The following PIK3C2A variants were observed in gnomAD, a reference collection of about 807,000 sequenced individuals.
PIK3C2A encodes phosphatidylinositol-4-phosphate 3-kinase catalytic subunit type 2 alpha, also known as phosphatidylinositol 4-phosphate 3-kinase C2 domain-containing subunit alpha.
In PIK3C2A, 97 loss-of-function variants were observed where a neutral mutation model predicts 204.5. The ratio of observed to expected loss-of-function variants is 0.47; its 90% CI spans 0.40 to 0.56. The LOEUF (loss-of-function observed/expected upper bound fraction) is 0.56. PIK3C2A is among the 20% of genes least tolerant of loss of function. The pLI is 0.00. For synonymous variants in PIK3C2A, 653 were observed against 664.4 expected, an observed-to-expected ratio of 0.98 and a Z score of 0.26; for missense variants, 1,735 against 1,969.2, an observed-to-expected ratio of 0.88 and a Z score of 2.25.
At chr11:17,161,904 G>C (rs2137465423) in intron 2 of PIK3C2A, among the ~76,000 whole-genome samples, 1 of 152,314 alleles carries the variant, frequency 6.6e-6, no homozygotes, top group South Asian at 2.1e-4. Flanking sequence ...TTGTGCCATG[G>C]ATTTCCAAAG....
chr11:17,178,954 C>G (rs1851437821), intron 1 of PIK3C2A, among the ~76,000 whole-genome samples: 1 of 151,524 alleles, frequency 6.6e-6, no homozygotes, highest in Admixed American at 6.6e-5. Flanking sequence ...TGGTCTCCAT[C>G]TCCTGACCTC....
In PIK3C2A at chr11:17,102,219, T is replaced by A. The variant is rs572434339; in HGVS notation, c.3851+443A>T. On this transcript the variant is annotated intron_variant, in intron 24 of 32. Transcript: ENST00000691414. ...TGGGAGGCCGAGGCGGGTAGATCAC[T>A]TGGTCAGGAGATCGAGACCATCCTG... Among the ~76,000 whole-genome samples, 14 of 152,126 alleles carry A rather than the reference T, an allele frequency of 9.2e-5. No homozygotes were observed. In the South Asian group the frequency reaches 2.5e-3, roughly 27 times the overall value.
intron 1 of PIK3C2A, among the ~76,000 whole-genome samples, chr11:17,198,993 C>T (rs1289396103): frequency 6.6e-6 from 1 of 151,978 alleles, no homozygotes; most frequent in East Asian, 1.9e-4. Flanking sequence ...CTGACAGGCA[C>T]CTGTAATCCC....
At chr11:17,206,630 T>TA (rs1852586294) in intron 1 of PIK3C2A, among the ~76,000 whole-genome samples, 2 of 150,502 alleles carry the variant, frequency 1.3e-5, no homozygotes, top group African/African-American at 4.9e-5. Flanking sequence ...ATGGCAGAGC[T>TA]GCTAAAGGAG....
At chr11:17,133,490 T>A (rs1209263684) in intron 11 of PIK3C2A, among the ~76,000 whole-genome samples, 2 of 152,230 alleles carry the variant, frequency 1.3e-5, no homozygotes, top group Non-Finnish European at 1.5e-5. Context: ...CACTAAATTA[T>A]TATATTTTAA....
At chr11:17,107,618 T>A (rs1848866844) in intron 22 of PIK3C2A, among the ~76,000 whole-genome samples, 1 of 152,224 alleles carries the variant, frequency 6.6e-6, no homozygotes. Context: ...TTCTACTATA[T>A]GCTATCTGGA....
Position 17,122,175 on chromosome 11 carries a change from A to C in PIK3C2A, c.2657+13T>G. 1 of 1,561,202 alleles carries C rather than the reference A, an allele frequency of 6.4e-7. No individual in the cohort carries two copies. Among genetic ancestry groups the C allele is most frequent in the African/African-American group, 1.4e-5 (1 of 73,868 alleles). ...GGAGATACTTAGCCCAAAACAGAAT[A>C]AACAGAACATACCCAAGTGATGAGT... is the stretch of plus-strand genomic sequence containing the variant. On this transcript the variant is annotated intron_variant, in intron 15 of 32. Transcript: ENST00000691414.
At chr11:17,179,304 G>A (rs190648385) in intron 1 of PIK3C2A, among the ~76,000 whole-genome samples, 2 of 152,116 alleles carry the variant, frequency 1.3e-5, no homozygotes, top group African/African-American at 4.8e-5. Context: ...TGGGACTACA[G>A]GCATGTACTA....
Position 17,091,484 on chromosome 11 carries a change from T to C in PIK3C2A, c.4753-25A>G, listed in dbSNP as rs1281546121. On this transcript the variant is annotated intron_variant, in intron 31 of 32. Transcript: ENST00000691414. ...CCTAAAAAGAAAAGCAGTCCCTTAATAGTAATGCTTCCTACCAAGGTAAGG... is the reference window on the plus strand; with the variant it reads ...CCTAAAAAGAAAAGCAGTCCCTTAACAGTAATGCTTCCTACCAAGGTAAGG... 7 of 1,610,340 alleles carry C rather than the reference T, an allele frequency of 4.3e-6. No individual in the cohort carries two copies. In the African/African-American group the frequency reaches 6.7e-5, roughly 15 times the overall value.
chr11:17,098,211 T>C (rs73433242), intron 26 of PIK3C2A, among the ~76,000 whole-genome samples: 5,000 of 152,248 alleles, frequency 0.033, 284 homozygotes, highest in African/African-American at 0.11. Context: ...GGACTGAATG[T>C]TTGTGTTCCC....
intron 28 of PIK3C2A, among the ~76,000 whole-genome samples, chr11:17,093,892 C>T (rs985115759): frequency 6.6e-5 from 10 of 152,118 alleles, no homozygotes; most frequent in African/African-American, 2.4e-4. Flanking sequence ...CTGCCTCGGC[C>T]TCCCAAAGTG....
At chr11:17,187,073 G>A (rs1228053331) in intron 1 of PIK3C2A, among the ~76,000 whole-genome samples, 1 of 152,150 alleles carries the variant, frequency 6.6e-6, no homozygotes. Flanking sequence ...CTGGCTTTGG[G>A]CTCAACAGAG....
At chr11:17,197,647 T>C (rs570442906) in intron 1 of PIK3C2A, among the ~76,000 whole-genome samples, 1 of 152,190 alleles carries the variant, frequency 6.6e-6, no homozygotes, top group African/African-American at 2.4e-5. Flanking sequence ...GAAAGACATT[T>C]TGCTGACCAA....
chr11:17,135,175 C>T lies in PIK3C2A; in HGVS notation c.1849-16G>A. The stretch of plus-strand genomic sequence containing the variant: ...AAGAAGTCACCTACACATGCACACA[C>T]ACACACAATAGTCAGAAAACTGCCT... On this transcript the variant is annotated splice_polypyrimidine_tract_variant and intron_variant, in intron 9 of 32. Transcript: ENST00000691414. 1.2e-6 allele frequency: 2 copies of T among 1,613,650 alleles called. No individual in the cohort carries two copies. The highest frequency in any genetic ancestry group is 1.7e-6 in the Non-Finnish European group (2 of 1,179,650).
chr11:17,167,123 A>G (rs1020823683), intron 2 of PIK3C2A, among the ~76,000 whole-genome samples: 1 of 152,094 alleles, frequency 6.6e-6, no homozygotes, highest in Non-Finnish European at 1.5e-5. Context: ...GGAGTATGCC[A>G]TCACGCCCAG....
intron 23 of PIK3C2A, 52 bp downstream of exon 23, chr11:17,105,117 C>T (rs1419891841): frequency 2.1e-6 from 3 of 1,440,012 alleles, no homozygotes; most frequent in Admixed American, 1.7e-5. Context: ...CTTAAAACCT[C>T]TGTAACACAT....
intron 8 of PIK3C2A, among the ~76,000 whole-genome samples, chr11:17,137,746 C>A (rs1276524718): frequency 6.6e-6 from 1 of 152,084 alleles, no homozygotes; most frequent in East Asian, 1.9e-4. Flanking sequence ...AATTTATTGT[C>A]TATCAGTTCC....
chr11:17,115,616 G>GA (rs1340885611), intron 19 of PIK3C2A: 5 of 150,038 alleles, frequency 3.3e-5, no homozygotes, highest in Non-Finnish European at 7.4e-5. Context: ...TGAGAGTCTA[G>GA]AAAAAAACCC....
intron 9 of PIK3C2A, among the ~76,000 whole-genome samples, chr11:17,135,428 T>C (rs1849838994): frequency 6.6e-6 from 1 of 152,152 alleles, no homozygotes; most frequent in African/African-American, 2.4e-5. Flanking sequence ...ATTTGAAATC[T>C]AGAAGTGACA....
Sources: gnomAD v4.1 joint callset for allele counts (sites outside exome capture counted in the v4.1 genomes callset) on GRCh38, gnomAD v4.1.1 for gene constraint, MANE v1.5 for transcripts, NCBI Gene and HGNC (gene_info 2026-07-23, HGNC 2026-07-21) for gene names.